PCDHGA7: variants seen among roughly 807,000 people sequenced by gnomAD.
The protein encoded by PCDHGA7 is protocadherin gamma subfamily A, 7.
PCDHGA7 carries 44 observed loss-of-function variants against 58.3 expected under a neutral mutation model. The observed-to-expected ratio is 0.75, with a 90% confidence interval of 0.59 to 0.97. PCDHGA7 has a LOEUF of 0.97. Ranked by LOEUF, PCDHGA7 falls within the 50% of genes least tolerant of loss-of-function variation. The probability of loss-of-function intolerance (pLI) is 0.00; values close to 1 mark genes in which losing one functional copy is unlikely to be tolerated. For missense variants in PCDHGA7, 1,266 were observed against 1,188.7 expected (o/e 1.06, Z -0.96); for synonymous variants, 516 against 504.2 (o/e 1.02, Z -0.31).
At chr5:141,496,262 C>G (rs934511905) in intron 2 of PCDHGA7, among the ~76,000 whole-genome samples, 3 of 152,158 alleles carry the variant, frequency 2.0e-5, no homozygotes, top group African/African-American at 7.2e-5. Flanking sequence ...GAAACTTCAG[C>G]AGAAAGACCT....
intron 1 of PCDHGA7, chr5:141,427,265 C>T (rs767369457): frequency 6.1e-5 from 28 of 456,570 alleles, no homozygotes; most frequent in Non-Finnish European, 1.1e-4. Context: ...GCATGACCAG[C>T]GAATGTAAAA....
intron 1 of PCDHGA7, chr5:141,412,984 C>A: frequency 1.8e-6 from 1 of 558,874 alleles, no homozygotes; most frequent in Non-Finnish European, 3.0e-6. Context: ...GCAGCCAGAG[C>A]TCAATCCGGA....
Position 141,477,148 on chromosome 5 carries a change from T to A in PCDHGA7, c.2425-17659T>A. 1 of 1,614,172 alleles carries A rather than the reference T, an allele frequency of 6.2e-7. No individual in the cohort carries two copies. Among genetic ancestry groups the A allele is most frequent in the African/African-American group, 1.3e-5 (1 of 75,050 alleles). On this transcript the variant is annotated intron_variant, in intron 1 of 3. Transcript: ENST00000518325. This position sits in a 1 kb window ranked among gnomAD's most constrained non-coding sequence, Gnocchi z 4.9. ...GCAAAGTGTTGGTGGAGGTTGTGGA[T>A]GTGAATGACAACGCCCCGGAGATCA...
chr5:141,398,048 G>T, intron 1 of PCDHGA7: 2 of 1,506,604 alleles, frequency 1.3e-6, no homozygotes, highest in South Asian at 1.3e-5. Flanking sequence ...CCCGTTCGGA[G>T]ATCCAAAAAT....
At chr5:141,394,782 A>T (rs779984453) in intron 1 of PCDHGA7, 1 of 1,613,558 alleles carries the variant, frequency 6.2e-7, no homozygotes. Flanking sequence ...TCTCTCCGCC[A>T]CTGTCACGCT....
chr5:141,399,776 A>T, intron 1 of PCDHGA7: 1 of 1,613,218 alleles, frequency 6.2e-7, no homozygotes, highest in African/African-American at 1.3e-5. Context: ...TTGGTGGGCG[A>T]CCGAAACGAC....
intron 1 of PCDHGA7, chr5:141,399,756 C>G: frequency 6.2e-7 from 1 of 1,613,346 alleles, no homozygotes; most frequent in Non-Finnish European, 8.5e-7. Flanking sequence ...CAAACGTGAG[C>G]CTGCGCGTGT....
chr5:141,490,374 C>T lies in PCDHGA7; in HGVS notation c.2425-4433C>T, dbSNP rs1452417604. 1.2e-6 allele frequency: 2 copies of T among 1,614,082 alleles called. No homozygotes were observed. Among genetic ancestry groups the T allele is most frequent in the Middle Eastern group, 1.6e-4 (1 of 6,084 alleles). ...GGTTGTTTAATGTGCGAGACCGGGA[C>T]TCAGGTAGAAATGGTGAAGTGAGCC... On this transcript the variant is annotated intron_variant, in intron 1 of 3. Coordinates refer to ENST00000518325, the MANE Select transcript of PCDHGA7 (RefSeq NM_018920.4). This position sits in a 1 kb window ranked among gnomAD's most constrained non-coding sequence, Gnocchi z 5.4.
At chr5:141,407,179 C>T (rs566759065) in intron 1 of PCDHGA7, among the ~76,000 whole-genome samples, 2 of 152,256 alleles carry the variant, frequency 1.3e-5, no homozygotes, top group South Asian at 2.1e-4. Context: ...GACATACAGA[C>T]ATTTTAATTA....
intron 1 of PCDHGA7, among the ~76,000 whole-genome samples, chr5:141,482,828 T>G (rs1274498876): frequency 4.4e-5 from 6 of 135,272 alleles, no homozygotes; most frequent in Non-Finnish European, 9.5e-5. Flanking sequence ...TCCTAGCACT[T>G]TGGGAGGCCA....
chr5:141,412,998 T>G, intron 1 of PCDHGA7: 1 of 586,036 alleles, frequency 1.7e-6, no homozygotes, highest in Non-Finnish European at 2.9e-6. Context: ...ATCCGGATTC[T>G]CAGGGCTTCA....
intron 1 of PCDHGA7, chr5:141,417,389 A>C (rs578088616): frequency 2.5e-4 from 39 of 154,566 alleles, no homozygotes; most frequent in Admixed American, 4.5e-4. Flanking sequence ...ATTTTGAAGA[A>C]AAAATATTCA....
chr5:141,438,601 T>C (rs2098005462), intron 1 of PCDHGA7, among the ~76,000 whole-genome samples: 6 of 26,284 alleles, frequency 2.3e-4, no homozygotes, highest in African/African-American at 1.3e-3. Flanking sequence ...CATATATATA[T>C]ATATATATAT....
chr5:141,398,476 T>C (rs756685671), intron 1 of PCDHGA7: 1 of 1,607,694 alleles, frequency 6.2e-7, no homozygotes. Flanking sequence ...ACTGAACTTT[T>C]ATCACGTGAA....
chr5:141,419,645 G>T, intron 1 of PCDHGA7: 1 of 1,612,478 alleles, frequency 6.2e-7, no homozygotes, highest in African/African-American at 1.3e-5. Context: ...GGCCGTGGAC[G>T]CGGACTCGGG....
At chr5:141,427,006 G>C (rs1288837425) in intron 1 of PCDHGA7, 3 of 456,792 alleles carry the variant, frequency 6.6e-6, no homozygotes, top group South Asian at 3.1e-5. Flanking sequence ...CCAGTTTTTA[G>C]CCAGGATGTA....
rs548823035 is a variant in PCDHGA7 at position 141,499,447 on chromosome 5, C to T, written c.2483+4582C>T. ...AGAAAAAAAATTAAAAGGAAAACCA[C>T]CCATCATTTTACAATCTAGGGAGAA... On this transcript the variant is annotated intron_variant, in intron 2 of 3. Transcript: ENST00000518325. Among the ~76,000 whole-genome samples the T allele has an allele frequency of 3.8e-4, 58 of 152,250 alleles. 1 individual carries two copies. In the East Asian group the frequency reaches 9.1e-3, roughly 24 times the overall value.
At chr5:141,457,167 C>T (rs1465212183) in intron 1 of PCDHGA7, among the ~76,000 whole-genome samples, 1 of 152,114 alleles carries the variant, frequency 6.6e-6, no homozygotes, top group East Asian at 1.9e-4. Context: ...CATGGATAAC[C>T]CTATTGCAAA....
At chr5:141,437,764 A>G (rs1408729040) in intron 1 of PCDHGA7, among the ~76,000 whole-genome samples, 1 of 149,226 alleles carries the variant, frequency 6.7e-6, no homozygotes, top group Non-Finnish European at 1.5e-5. Flanking sequence ...TTTGAGACAG[A>G]GTCTCAATCT....
Sources: gnomAD v4.1 joint callset for allele counts (sites outside exome capture counted in the v4.1 genomes callset) on GRCh38, gnomAD v4.1.1 for gene constraint, Gnocchi (gnomAD v3.1) non-coding constraint, MANE v1.5 for transcripts, NCBI Gene and HGNC (gene_info 2026-07-23, HGNC 2026-07-21) for gene names.